The following JAKMIP3 variants were observed in gnomAD, a reference collection of about 807,000 sequenced individuals.
JAKMIP3 encodes the protein Janus kinase and microtubule interacting protein 3, also known as janus kinase and microtubule-interacting protein 3.
JAKMIP3 carries 58 observed loss-of-function variants against 118.5 expected under a neutral mutation model. That is an observed-to-expected ratio of 0.49 (90% CI 0.40 to 0.61). The LOEUF is 0.61. Among genes scored for constraint, JAKMIP3 ranks in the 20% least tolerant of loss-of-function variants. The pLI is 0.00. For missense variants in JAKMIP3, 950 were observed against 1,109.0 expected (o/e 0.86, Z 2.04); for synonymous variants, 486 against 451.2 (o/e 1.08, Z -0.98).
At chr10:132,157,513 G>A (rs949870349) in intron 19 of JAKMIP3, among the ~76,000 whole-genome samples, 1 of 152,172 alleles carries the variant, frequency 6.6e-6, no homozygotes, top group Non-Finnish European at 1.5e-5. Flanking sequence ...ATGACCAAAG[G>A]GTATGCACAC....
intron 23 of JAKMIP3, among the ~76,000 whole-genome samples, chr10:132,180,658 C>CAT (rs2060979774): frequency 1.2e-4 from 1 of 8,432 alleles, no homozygotes; most frequent in Admixed American, 1.3e-3. Context: ...TGTGCGTGTG[C>CAT]GTGTGTGCGT....
chr10:132,099,837 C>A (rs973054596), intron 1 of JAKMIP3, among the ~76,000 whole-genome samples: 3 of 152,182 alleles, frequency 2.0e-5, no homozygotes, highest in Admixed American at 2.0e-4. Context: ...CACCCCAAAC[C>A]CCTCGCACTG....
chr10:132,184,067 A>T lies in JAKMIP3; in HGVS notation c.*2814A>T, dbSNP rs528569904. ...TTGCCAGAAATGTACTGTTACATCA[A>T]CATTTACATTATATTAACATCATCA... is the stretch of plus-strand genomic sequence containing the variant. On this transcript the variant is annotated 3_prime_UTR_variant, in exon 24 of 24. Transcript: ENST00000684848. 32 of 152,336 alleles carry T rather than the reference A, an allele frequency of 2.1e-4. No homozygotes were observed. The highest frequency in any genetic ancestry group is 7.0e-4 in the African/African-American group (29 of 41,572). 9.4% of individuals were successfully genotyped at this position (152,336 alleles called of 1,614,324 possible).
intron 9 of JAKMIP3, among the ~76,000 whole-genome samples, chr10:132,139,504 A>T (rs973775796): frequency 7.8e-6 from 1 of 127,560 alleles, no homozygotes; most frequent in Non-Finnish European, 1.8e-5. Flanking sequence ...GTGAGTGTGT[A>T]TGTGTGAGTG....
intron 10 of JAKMIP3, among the ~76,000 whole-genome samples, chr10:132,141,061 G>A (rs766989627): frequency 5.3e-5 from 8 of 152,204 alleles, no homozygotes; most frequent in East Asian, 1.9e-4. Context: ...CCAGAAGGAC[G>A]GCTACCCTCA....
In JAKMIP3 at chr10:132,112,264, A is replaced by G. The variant is rs1024884386; in HGVS notation, c.136-4813A>G. The stretch of plus-strand genomic sequence containing the variant: ...ACAGGTGCCTGCTGTCCCGCGGGGC[A>G]CACGGGCCTCAGGTGTGGGAGCGGG... On this transcript the variant is annotated intron_variant, in intron 2 of 23. Transcript: ENST00000684848. This position sits in a 1 kb window ranked among gnomAD's most constrained non-coding sequence, Gnocchi z 4.3. 6.6e-6 allele frequency among the ~76,000 whole-genome samples: 1 copy of G among 151,968 alleles called. No homozygotes were observed. The highest frequency in any genetic ancestry group is 1.5e-5 in the Non-Finnish European group (1 of 67,938).
intron 1 of JAKMIP3, among the ~76,000 whole-genome samples, 74 bp downstream of exon 1, chr10:132,066,135 C>T (rs2038729604): frequency 6.6e-6 from 1 of 152,178 alleles, no homozygotes; most frequent in Non-Finnish European, 1.5e-5. Flanking sequence ...AGGCTCTTTC[C>T]ACCTGGTGCT....
rs979849022 is a variant in JAKMIP3 at position 132,154,225 on chromosome 10, G to A, written c.2220+235G>A. 4.6e-5 allele frequency among the ~76,000 whole-genome samples: 7 copies of A among 152,238 alleles called. 1 individual carries two copies. Among genetic ancestry groups the A allele is most frequent in the African/African-American group, 1.7e-4 (7 of 41,458 alleles). On this transcript the variant is annotated intron_variant, in intron 19 of 23. Coordinates refer to ENST00000684848, the MANE Select transcript of JAKMIP3 (RefSeq NM_001323087.2). ...AGTTGAGGAGGCCTAAACCCACACT[G>A]TGCAGTGAGAATGTTCTACAGCCTT...
chr10:132,125,658 G>C (rs560987358), intron 3 of JAKMIP3, among the ~76,000 whole-genome samples: 1 of 152,332 alleles, frequency 6.6e-6, no homozygotes, highest in South Asian at 2.1e-4. Context: ...TCTCAGCCAT[G>C]TTTTGTAAAT....
At chr10:132,081,799 G>A (rs1018222594) in intron 1 of JAKMIP3, among the ~76,000 whole-genome samples, 7 of 151,978 alleles carry the variant, frequency 4.6e-5, no homozygotes, top group East Asian at 1.9e-4. Context: ...CCTGAGGCAC[G>A]GGAGCAGCAG....
rs114962158 is a variant in JAKMIP3 at position 132,137,537 on chromosome 10, C to T, written c.1284+248C>T. Among the ~76,000 whole-genome samples, 395 of 152,266 alleles carry T rather than the reference C, an allele frequency of 2.6e-3. 1 individual carries two copies. The highest frequency in any genetic ancestry group is 6.9e-3 in the African/African-American group (285 of 41,548). ...CAGTTGAGACAGCACCAGCTTGGGA[C>T]GATCATGTTTCTCAGTTAATGGCCA... On this transcript the variant is annotated intron_variant, in intron 8 of 23. Transcript: ENST00000684848.
intron 3 of JAKMIP3, among the ~76,000 whole-genome samples, chr10:132,127,090 TA>T (rs1467129150): frequency 6.6e-6 from 1 of 152,214 alleles, no homozygotes; most frequent in Non-Finnish European, 1.5e-5. Context: ...ATTTTTAAAT[TA>T]TGAATTAAAT....
rs1554962984 is a variant in JAKMIP3, at chr10:132,180,624, T to TGTGC, written c.*1104-1732_*1104-1731insTGCG. On this transcript the variant is annotated intron_variant, in intron 23 of 23. Coordinates refer to ENST00000684848, the MANE Select transcript of JAKMIP3 (RefSeq NM_001323087.2). ...GTGCGCGTGTGTGTGTGCGTGTGTGTGCGTGTGTGCGTGCGTGTGTGCGTG... is the reference window on the plus strand; with the variant it reads ...GTGCGCGTGTGTGTGTGCGTGTGTGTGTGCGCGTGTGTGCGTGCGTGTGTGCGTG... Among the ~76,000 whole-genome samples the TGTGC allele has an allele frequency of 5.0e-4, 9 of 18,080 alleles. 1 individual carries two copies. The highest frequency in any genetic ancestry group is 2.1e-3 in the African/African-American group (8 of 3,890). The allele number at this position is 18,080 out of a possible 152,430, so 11.9% of individuals were successfully genotyped here.
At chr10:132,055,469 T>C (rs2038212989) in intron 1 of JAKMIP3, among the ~76,000 whole-genome samples, 1 of 152,184 alleles carries the variant, frequency 6.6e-6, no homozygotes, top group Non-Finnish European at 1.5e-5. Flanking sequence ...TCTTTTTTTC[T>C]TCAATGTTTG....
intron 1 of JAKMIP3, among the ~76,000 whole-genome samples, chr10:132,100,835 T>TCCCCATTCTCTCTGCATGAGGAACCCCG (rs1564896837): frequency 8.2e-4 from 107 of 130,448 alleles, no homozygotes; most frequent in Non-Finnish European, 9.6e-4. Context: ...GAGGAACCCC[T>TCCCCATTCTCTCTGCATGAGGAACCCCG]GCCGCGCTCC....
intron 3 of JAKMIP3, among the ~76,000 whole-genome samples, chr10:132,122,181 C>T (rs1001822128): frequency 6.6e-6 from 1 of 152,246 alleles, no homozygotes; most frequent in African/African-American, 2.4e-5. Context: ...CCCCAGCCCC[C>T]CTGGTCGGCT....
chr10:132,154,626 A>G (rs985986113), intron 19 of JAKMIP3, among the ~76,000 whole-genome samples: 89 of 152,112 alleles, frequency 5.9e-4, no homozygotes, highest in Admixed American at 5.7e-3. Context: ...CAAGAGGTTC[A>G]CCTCGGGACC....
chr10:132,068,726 T>C (rs1395040406), intron 1 of JAKMIP3, among the ~76,000 whole-genome samples: 1 of 152,162 alleles, frequency 6.6e-6, no homozygotes, highest in East Asian at 1.9e-4. Flanking sequence ...TTACTTTCCT[T>C]TGGGGTCCCT....
Position 132,184,743 on chromosome 10 carries a change from T to C in JAKMIP3, c.*3490T>C, listed in dbSNP as rs2061715210. The C allele has an allele frequency of 6.6e-6, 1 of 152,242 alleles. No individual in the cohort carries two copies. The highest frequency in any genetic ancestry group is 2.1e-4 in the South Asian group (1 of 4,834). 9.4% of individuals were successfully genotyped at this position (152,242 alleles called of 1,614,324 possible). On this transcript the variant is annotated 3_prime_UTR_variant, in exon 24 of 24. Transcript: ENST00000684848. ...TTTGTATTGTGATTCCTATGATATATACCAGAGAATTTTTTACTCGTTTGT... is the reference window on the plus strand; with the variant it reads ...TTTGTATTGTGATTCCTATGATATACACCAGAGAATTTTTTACTCGTTTGT...
Sources: allele counts gnomAD v4.1 joint callset (sites outside exome capture counted in the v4.1 genomes callset), GRCh38; gene constraint gnomAD v4.1.1; non-coding constraint Gnocchi (gnomAD v3.1); transcripts MANE v1.5; gene names NCBI Gene and HGNC (gene_info 2026-07-23, HGNC 2026-07-21).